The following EYS variants were observed in gnomAD, a reference collection of about 807,000 sequenced individuals.
The protein encoded by EYS is EGF-like photoreceptor maintenance factor, also known as protein eyes shut homolog.
A neutral mutation model predicts 282.1 loss-of-function variants in EYS; 250 were observed. That is an observed-to-expected ratio of 0.89 (90% CI 0.80 to 0.98). The LOEUF (loss-of-function observed/expected upper bound fraction) is 0.98. EYS is among the 50% of genes least tolerant of loss of function. The probability of loss-of-function intolerance (pLI) is 0.00; values close to 1 mark genes in which losing one functional copy is unlikely to be tolerated. For missense variants in EYS, 4,016 were observed against 3,709.0 expected, an observed-to-expected ratio of 1.08 and a Z score of -2.15; for synonymous variants, 1,355 against 1,282.9, an observed-to-expected ratio of 1.06 and a Z score of -1.20.
chr6:65,205,655 C>G lies in EYS; in HGVS notation c.2023+90208G>C, dbSNP rs1010381773. Among the ~76,000 whole-genome samples the G allele has an allele frequency of 5.3e-5, 8 of 151,916 alleles. No individual in the cohort carries two copies. The Middle Eastern group carries it at 0.01, about 195-fold the overall frequency. On this transcript the variant is annotated intron_variant, in intron 12 of 42. Transcript: ENST00000503581. ...CCATATGCTTGGTCATAAAGCATCT[C>G]TATAAATTCAAAAAATCAAAATCAC...
intron 36 of EYS, among the ~76,000 whole-genome samples, chr6:63,838,177 T>C (rs1771856400): frequency 6.6e-6 from 1 of 152,106 alleles, no homozygotes; most frequent in Non-Finnish European, 1.5e-5. Flanking sequence ...CTGTCATAAA[T>C]GAGTCTGGTG....
rs180773409 is a variant in EYS at position 64,145,232 on chromosome 6, G to A, written c.6425-63230C>T. 7.2e-5 allele frequency among the ~76,000 whole-genome samples: 11 copies of A among 152,246 alleles called. No homozygotes were observed. In the East Asian group the frequency reaches 2.1e-3, roughly 29 times the overall value. On this transcript the variant is annotated intron_variant, in intron 31 of 42. Coordinates refer to ENST00000503581, the MANE Select transcript of EYS (RefSeq NM_001142800.2). The stretch of plus-strand genomic sequence containing the variant: ...TTTTAGGATTATACATTAAGCAGCT[G>A]TATCATCAGTCTTAAACATACATGA...
chr6:64,653,858 C>G (rs576353115), intron 22 of EYS, among the ~76,000 whole-genome samples: 15 of 152,126 alleles, frequency 9.9e-5, no homozygotes, highest in African/African-American at 3.4e-4. Flanking sequence ...AGCCACCACA[C>G]CTAGCCTCCT....
chr6:65,130,700 C>T (rs1775847868), intron 12 of EYS, among the ~76,000 whole-genome samples: 1 of 151,090 alleles, frequency 6.6e-6, no homozygotes, highest in African/African-American at 2.4e-5. Context: ...CTATTTGGTA[C>T]TAAGCTTAAT....
chr6:65,516,381 G>A (rs1767136377), intron 2 of EYS, among the ~76,000 whole-genome samples: 1 of 152,036 alleles, frequency 6.6e-6, no homozygotes, highest in Non-Finnish European at 1.5e-5. Flanking sequence ...TACTTTTAAT[G>A]ATGATAGGTT....
intron 26 of EYS, among the ~76,000 whole-genome samples, chr6:64,583,795 CA>C (rs1043615547): frequency 2.7e-4 from 39 of 142,746 alleles, no homozygotes; most frequent in African/African-American, 3.1e-4. Flanking sequence ...GATTCTGCCT[CA>C]AAAAAAAAAA....
At chr6:64,783,684 T>C (rs891552098) in intron 22 of EYS, among the ~76,000 whole-genome samples, 2 of 152,178 alleles carry the variant, frequency 1.3e-5, no homozygotes, top group African/African-American at 2.4e-5. Context: ...TACACATGTA[T>C]AGTCAATGAA....
chr6:64,358,960 C>G (rs1042159874), intron 29 of EYS, among the ~76,000 whole-genome samples: 2 of 151,600 alleles, frequency 1.3e-5, no homozygotes, highest in African/African-American at 2.4e-5. Context: ...CATACAATAT[C>G]CTATTTTTCC....
intron 12 of EYS, among the ~76,000 whole-genome samples, chr6:65,205,136 T>C (rs967501708): frequency 1.3e-5 from 2 of 148,918 alleles, no homozygotes; most frequent in African/African-American, 4.9e-5. Context: ...TCTCCAACTG[T>C]CGGCTGCCTA....
chr6:64,684,176 G>C (rs1391608647), intron 22 of EYS, among the ~76,000 whole-genome samples: 1 of 152,066 alleles, frequency 6.6e-6, no homozygotes. Flanking sequence ...CTGTATGAAT[G>C]GTATCTGACT....
At chr6:63,812,041 CT>C (rs2149681706) in intron 36 of EYS, among the ~76,000 whole-genome samples, 1 of 152,320 alleles carries the variant, frequency 6.6e-6, no homozygotes, top group Admixed American at 6.5e-5. Flanking sequence ...TTTACAATCT[CT>C]TTTCCGTATT....
chr6:64,460,200 T>C (rs16895243), intron 26 of EYS, among the ~76,000 whole-genome samples: 2 of 152,190 alleles, frequency 1.3e-5, no homozygotes, highest in African/African-American at 4.8e-5. Context: ...ATAATTATAA[T>C]ACACTATGGC....
intron 19 of EYS, among the ~76,000 whole-genome samples, chr6:64,838,062 T>G (rs2812787): frequency 0.68 from 98,919 of 145,810 alleles, 32,793 homozygotes; most frequent in Non-Finnish European, 0.72. Flanking sequence ...TGTTTTAAAA[T>G]AATCACAGTG....
intron 2 of EYS, among the ~76,000 whole-genome samples, chr6:65,564,279 A>ATTGT (rs1769186587): frequency 6.6e-6 from 1 of 152,204 alleles, no homozygotes; most frequent in Non-Finnish European, 1.5e-5. Flanking sequence ...ACTACATTAA[A>ATTGT]TTTCATATGG....
chr6:65,121,948 A>T (rs933493063), intron 12 of EYS, among the ~76,000 whole-genome samples: 1 of 152,138 alleles, frequency 6.6e-6, no homozygotes, highest in Non-Finnish European at 1.5e-5. Flanking sequence ...GCAACCTGAA[A>T]AAAAAGAACA....
At chr6:64,959,476 C>T (rs1028755277) in intron 14 of EYS, among the ~76,000 whole-genome samples, 1 of 152,122 alleles carries the variant, frequency 6.6e-6, no homozygotes, top group Non-Finnish European at 1.5e-5. Context: ...TAAATATTTT[C>T]TACACACATT....
At chr6:65,426,441 T>G (rs1280476728) in intron 5 of EYS, among the ~76,000 whole-genome samples, 1 of 152,086 alleles carries the variant, frequency 6.6e-6, no homozygotes, top group African/African-American at 2.4e-5. Context: ...ATCTTTAATG[T>G]CTAAAAAAAC....
At chr6:65,090,634 A>G (rs1477279163) in intron 12 of EYS, among the ~76,000 whole-genome samples, 1 of 152,190 alleles carries the variant, frequency 6.6e-6, no homozygotes, top group Non-Finnish European at 1.5e-5. Context: ...TTAAAGGATA[A>G]GTCATGGGAG....
chr6:65,674,623 T>A (rs1396592320), intron 1 of EYS, among the ~76,000 whole-genome samples: 1 of 151,966 alleles, frequency 6.6e-6, no homozygotes, highest in African/African-American at 2.4e-5. Flanking sequence ...CCAAGATTAC[T>A]ATATGGAACA....
Sources: allele counts gnomAD v4.1 joint callset (sites outside exome capture counted in the v4.1 genomes callset), GRCh38; gene constraint gnomAD v4.1.1; transcripts MANE v1.5; gene names NCBI Gene and HGNC (gene_info 2026-07-23, HGNC 2026-07-21).